TBC1D9: variants seen among roughly 807,000 people sequenced by gnomAD.
TBC1D9 encodes TBC1 domain family member 9.
TBC1D9 carries 63 observed loss-of-function variants against 132.0 expected under a neutral mutation model. The ratio of observed to expected loss-of-function variants is 0.48; its 90% CI spans 0.39 to 0.59. The LOEUF (loss-of-function observed/expected upper bound fraction) is 0.59. Among genes scored for constraint, TBC1D9 ranks in the 20% least tolerant of loss-of-function variants. The pLI is 0.00. For synonymous variants in TBC1D9, 610 were observed against 609.9 expected (o/e 1.00, Z 0.00); for missense variants, 1,261 against 1,592.7 (o/e 0.79, Z 3.54).
chr4:140,656,702 G>C (rs1737277413), intron 13 of TBC1D9, among the ~76,000 whole-genome samples: 1 of 152,136 alleles, frequency 6.6e-6, no homozygotes, highest in African/African-American at 2.4e-5. Flanking sequence ...ACTTACAACT[G>C]TCTTGGTAAA....
intron 6 of TBC1D9, among the ~76,000 whole-genome samples, chr4:140,671,674 CTGTGTGTGTG>C (rs34072180): frequency 0.011 from 1,600 of 141,770 alleles, 35 homozygotes; most frequent in African/African-American, 0.04. Context: ...AACTACCAGA[CTGTGTGTGTG>C]TGTGTGTGTG....
Position 140,645,468 on chromosome 4 carries a change from C to A in TBC1D9, c.2338-6040G>T, listed in dbSNP as rs1737089466. 2.0e-5 allele frequency: 8 copies of A among 405,132 alleles called. 1 individual carries two copies. The highest frequency in any genetic ancestry group is 1.5e-4 in the South Asian group (8 of 54,566). 25.1% of individuals were successfully genotyped at this position (405,132 alleles called of 1,614,324 possible). On this transcript the variant is annotated intron_variant, in intron 13 of 20. Coordinates refer to ENST00000442267, the MANE Select transcript of TBC1D9 (RefSeq NM_015130.3). Reference sequence around the variant, plus strand: ...GTCGCGCTTCAGCTGCGGGCCCCTGCCCACTGCTATCATCTCCACTTTTAA... The same window carrying A: ...GTCGCGCTTCAGCTGCGGGCCCCTGACCACTGCTATCATCTCCACTTTTAA...
At chr4:140,703,630 T>C (rs145006221) in intron 1 of TBC1D9, among the ~76,000 whole-genome samples, 6 of 152,166 alleles carry the variant, frequency 3.9e-5, no homozygotes, top group African/African-American at 7.2e-5. Flanking sequence ...AGTCCTACAG[T>C]TGTCCTTGGT....
At chr4:140,639,936 C>G (rs145058322) in intron 13 of TBC1D9, among the ~76,000 whole-genome samples, 2 of 152,154 alleles carry the variant, frequency 1.3e-5, no homozygotes, top group East Asian at 1.9e-4. Context: ...CTTCGTACCC[C>G]CTAAATGTTT....
intron 1 of TBC1D9, among the ~76,000 whole-genome samples, chr4:140,749,745 A>G (rs72720340): frequency 0.023 from 3,559 of 152,296 alleles, 71 homozygotes; most frequent in Admixed American, 0.041. Flanking sequence ...TCTAAAACAT[A>G]AGGATACAGA....
intron 2 of TBC1D9, among the ~76,000 whole-genome samples, chr4:140,695,476 G>A (rs974167708): frequency 1.3e-5 from 2 of 152,156 alleles, no homozygotes; most frequent in African/African-American, 2.4e-5. Context: ...TCCTCTCCAC[G>A]CTTTCCTTTA....
intron 3 of TBC1D9, among the ~76,000 whole-genome samples, chr4:140,685,602 G>T (rs577238900): frequency 6.6e-6 from 1 of 152,120 alleles, no homozygotes; most frequent in Admixed American, 6.6e-5. Flanking sequence ...TGGAGTGGGG[G>T]TGGGGAAGGC....
chr4:140,727,952 T>G (rs1465024756), intron 1 of TBC1D9, among the ~76,000 whole-genome samples: 1 of 152,250 alleles, frequency 6.6e-6, no homozygotes, highest in Non-Finnish European at 1.5e-5. Context: ...CTAATTAAAT[T>G]CTTTCTCCAG....
At chr4:140,731,573 A>G (rs1738590202) in intron 1 of TBC1D9, among the ~76,000 whole-genome samples, 1 of 152,124 alleles carries the variant, frequency 6.6e-6, no homozygotes, top group Non-Finnish European at 1.5e-5. Flanking sequence ...TGATTGATTC[A>G]CAAAAGGGTA....
At position 140,756,029 on chromosome 4, in the gene TBC1D9, T is replaced by A. The variant is rs763635729; in HGVS notation, c.17A>T (p.Glu6Val). 4.4e-6 allele frequency: 7 copies of A among 1,607,522 alleles called. No individual in the cohort carries two copies. The highest frequency in any genetic ancestry group is 5.9e-6 in the Non-Finnish European group (7 of 1,176,946). Reference protein sequence around the residue: MWVNPEEVLLANALWI... With the variant: MWVNPVEVLLANALWI... ...CAGCGCGTTGGCCAGCAACACCTCC[T>A]CCGGGTTCACCCACATGGTCCTGGC... is the stretch of plus-strand genomic sequence containing the variant. Residue 6 changes from glutamate to valine, a missense_variant, in exon 1 of 21, where the codon GAG becomes GTG. Physicochemically the swap from Glu to Val is moderately radical, Grantham distance 121. Coordinates refer to ENST00000442267, the MANE Select transcript of TBC1D9 (RefSeq NM_015130.3). The surrounding 1 kb of genome is among the most constrained non-coding windows in gnomAD (Gnocchi z 5.6).
Position 140,622,420 on chromosome 4 carries a change from G to C in TBC1D9, c.3576C>G (p.Ser1192Arg). ...GGGGCAGTGCCGCCGTGCCCTGGCC[G>C]CTCCGCACCAGGACCGTGTCCTCTC... Reference protein sequence around the residue: ...DIGEDTVLVRSGQGTAALPRS... With the variant: ...DIGEDTVLVRRGQGTAALPRS... Residue 1192 changes from serine to arginine, a missense_variant, in exon 21 of 21, where the codon AGC becomes AGG. By Grantham distance (110) the Ser-to-Arg change is moderately radical (BLOSUM62 -1). Around this residue, in one of 3 missense-constraint regions of TBC1D9, gnomAD observed 618 missense variants for 724.4 expected, o/e 0.85. Coordinates refer to ENST00000442267, the MANE Select transcript of TBC1D9 (RefSeq NM_015130.3). 8 of 1,613,310 alleles carry C rather than the reference G, an allele frequency of 5.0e-6. No homozygotes were observed. Among genetic ancestry groups the C allele is most frequent in the Non-Finnish European group, 6.8e-6 (8 of 1,179,466 alleles).
At chr4:140,680,460 T>G (rs1459892089) in intron 3 of TBC1D9, among the ~76,000 whole-genome samples, 1 of 152,186 alleles carries the variant, frequency 6.6e-6, no homozygotes, top group Non-Finnish European at 1.5e-5. Flanking sequence ...TAATCTACCA[T>G]TCAATCATTA....
At chr4:140,643,670 C>T (rs1343113767) in intron 13 of TBC1D9, 4 of 1,151,414 alleles carry the variant, frequency 3.5e-6, no homozygotes, top group Non-Finnish European at 4.8e-6. Flanking sequence ...CCTCCACTAG[C>T]GTCTCGGGTG....
intron 11 of TBC1D9, among the ~76,000 whole-genome samples, chr4:140,658,288 A>G (rs559746694): frequency 4.1e-4 from 62 of 152,298 alleles, no homozygotes; most frequent in African/African-American, 1.4e-3. Flanking sequence ...CACCTAGGCT[A>G]TATGGTATAG....
intron 14 of TBC1D9, 76 bp downstream of exon 14, chr4:140,639,254 G>A (rs886222025): frequency 1.4e-6 from 2 of 1,476,870 alleles, no homozygotes; most frequent in Admixed American, 1.9e-5. Flanking sequence ...AGTTCTGTCA[G>A]GCAGGAATCC....
At chr4:140,755,881 G>A in intron 1 of TBC1D9, 35 bp downstream of exon 1, 2 of 1,501,974 alleles carry the variant, frequency 1.3e-6, no homozygotes, top group Non-Finnish European at 1.8e-6. Context: ...AGCGCTCCCG[G>A]CTCCCCTCCT....
At chr4:140,684,913 A>G (rs538064528) in intron 3 of TBC1D9, among the ~76,000 whole-genome samples, 4 of 152,124 alleles carry the variant, frequency 2.6e-5, no homozygotes, top group Non-Finnish European at 4.4e-5. Flanking sequence ...GGATAGTGTG[A>G]GCACCAAAAT....
chr4:140,641,671 T>C (rs1271599037), intron 13 of TBC1D9, among the ~76,000 whole-genome samples: 5 of 151,704 alleles, frequency 3.3e-5, no homozygotes, highest in African/African-American at 1.2e-4. Flanking sequence ...GGAAGGAAAG[T>C]GGAGAAAAAT....
At chr4:140,644,802 C>T (rs1737075966) in intron 13 of TBC1D9, 2 of 407,258 alleles carry the variant, frequency 4.9e-6, no homozygotes, top group East Asian at 6.4e-5. Flanking sequence ...CGGTGGCCCG[C>T]TCCATCAGCT....
Sources: allele counts gnomAD v4.1 joint callset (sites outside exome capture counted in the v4.1 genomes callset), GRCh38; gene constraint gnomAD v4.1.1; regional missense constraint gnomAD v4.1.1; non-coding constraint Gnocchi (gnomAD v3.1); transcripts MANE v1.5; gene names NCBI Gene and HGNC (gene_info 2026-07-23, HGNC 2026-07-21).